Variants in EGFLAM observed in about 807,000 individuals in gnomAD.
The protein encoded by EGFLAM is pikachurin.
Under a neutral mutation model 113.1 loss-of-function variants are expected in EGFLAM, and 79 were observed. That is an observed-to-expected ratio of 0.70 (90% CI 0.58 to 0.84). EGFLAM has a LOEUF of 0.84. EGFLAM is among the 40% of genes least tolerant of loss of function. The pLI is 0.00. For synonymous variants in EGFLAM, 504 were observed against 487.6 expected (o/e 1.03, Z -0.44); for missense variants, 1,265 against 1,291.6 (o/e 0.98, Z 0.32).
chr5:38,331,914 G>C (rs887640068), intron 1 of EGFLAM, among the ~76,000 whole-genome samples: 1 of 152,164 alleles, frequency 6.6e-6, no homozygotes, highest in Non-Finnish European at 1.5e-5. Flanking sequence ...TTGTGTGGAC[G>C]TAAGTTTTTG....
intron 4 of EGFLAM, among the ~76,000 whole-genome samples, chr5:38,351,909 A>G (rs557512041): frequency 1.3e-5 from 2 of 152,332 alleles, no homozygotes; most frequent in Admixed American, 1.3e-4. Flanking sequence ...TGGCTGGGAC[A>G]TAATTAATTG....
At chr5:38,453,903 C>G (rs945862309) in intron 19 of EGFLAM, among the ~76,000 whole-genome samples, 18 of 152,200 alleles carry the variant, frequency 1.2e-4, no homozygotes, top group Admixed American at 1.2e-3. Flanking sequence ...GCCCCCTCCC[C>G]TCTCCCACCT....
Position 38,463,939 on chromosome 5 carries a change from G to GAAAAA in EGFLAM, c.2985_2986insAAAAA (p.Asp996LysfsTer62), listed in dbSNP as rs775614257. The GAAAAA allele has an allele frequency of 6.2e-7, 1 of 1,614,248 alleles. No homozygotes were observed. The highest frequency in any genetic ancestry group is 1.1e-5 in the South Asian group (1 of 91,084). On this transcript the variant is annotated frameshift_variant, in exon 22 of 22. Transcript: ENST00000322350. LOFTEE classifies it high-confidence loss of function. ...CACCGATTACCACATTTCCCTCGTG[G>GAAAAA]AAGATGCCGTGGATGGGAAAAACAT...
chr5:38,397,552 C>G (rs1449309513), intron 6 of EGFLAM, among the ~76,000 whole-genome samples: 2 of 152,148 alleles, frequency 1.3e-5, no homozygotes, highest in African/African-American at 4.8e-5. Context: ...CTCAACTTCC[C>G]AAAGTGCTGG....
intron 13 of EGFLAM, among the ~76,000 whole-genome samples, chr5:38,425,397 C>T (rs1486330705): frequency 2.0e-5 from 3 of 152,250 alleles, no homozygotes; most frequent in South Asian, 4.2e-4. Context: ...AAACTCTTGA[C>T]CTCAAGTGAT....
chr5:38,361,912 T>A (rs1256661824), intron 5 of EGFLAM, among the ~76,000 whole-genome samples: 1 of 152,158 alleles, frequency 6.6e-6, no homozygotes, highest in Admixed American at 6.5e-5. Context: ...TTTTTGATTT[T>A]TTTTTTTTTA....
chr5:38,309,681 C>T (rs143644248), intron 1 of EGFLAM, among the ~76,000 whole-genome samples: 331 of 152,268 alleles, frequency 2.2e-3, no homozygotes, highest in African/African-American at 7.6e-3. Context: ...GTGTTTGTAC[C>T]GTAAAGCATA....
chr5:38,260,801 C>T lies in EGFLAM; in HGVS notation c.97+1950C>T, dbSNP rs11960890. On this transcript the variant is annotated intron_variant, in intron 1 of 21. Transcript: ENST00000322350. ...ATTTCCCTCCTGGGCTCATTTACAT[C>T]CCTTGGAAAGACTAGTTTTTGATCC... Among the ~76,000 whole-genome samples, 406 of 152,268 alleles carry T rather than the reference C, an allele frequency of 2.7e-3. 2 individuals carry two copies. Among genetic ancestry groups the T allele is most frequent in the Non-Finnish European group, 4.9e-3 (334 of 68,018 alleles).
chr5:38,378,373 G>A (rs1740419689), intron 6 of EGFLAM, among the ~76,000 whole-genome samples: 2 of 152,112 alleles, frequency 1.3e-5, no homozygotes, highest in South Asian at 2.1e-4. Context: ...TACAGCATGC[G>A]AGGATCCCGG....
At chr5:38,376,845 A>AT (rs2112050062) in intron 6 of EGFLAM, among the ~76,000 whole-genome samples, 1 of 152,014 alleles carries the variant, frequency 6.6e-6, no homozygotes, top group East Asian at 1.9e-4. Context: ...TAATTTTTGT[A>AT]TTTTTTGTAG....
At chr5:38,398,489 G>T (rs777910008) in intron 6 of EGFLAM, among the ~76,000 whole-genome samples, 8 of 152,110 alleles carry the variant, frequency 5.3e-5, no homozygotes, top group Non-Finnish European at 8.8e-5. Flanking sequence ...TGGGATACAG[G>T]GAAGACATCC....
rs1758430960 is a variant in EGFLAM at position 38,295,455 on chromosome 5, T to C, written c.97+36604T>C. ...ATATGGCTTGTGAATAAAGTTTAGA[T>C]TGAAAAACTGCTGAACAGGGAATGA... On this transcript the variant is annotated intron_variant, in intron 1 of 21. Transcript: ENST00000322350. 1.3e-5 allele frequency among the ~76,000 whole-genome samples: 2 copies of C among 152,214 alleles called. 1 individual carries two copies.
chr5:38,347,531 C>A (rs536663799), intron 3 of EGFLAM, among the ~76,000 whole-genome samples: 1 of 152,072 alleles, frequency 6.6e-6, no homozygotes, highest in Non-Finnish European at 1.5e-5. Context: ...CTCAGCTGAT[C>A]TGAGTCATGA....
chr5:38,412,383 C>A, intron 10 of EGFLAM, 121 bp from the exon 11 acceptor site: 1 of 1,444,430 alleles, frequency 6.9e-7, no homozygotes, highest in Non-Finnish European at 9.5e-7. Context: ...TATTCATAAA[C>A]ATGACTCTGA....
In EGFLAM at chr5:38,418,106, T is replaced by C. The variant is rs1390403963; in HGVS notation, c.1535T>C (p.Leu512Pro). 6.2e-7 allele frequency: 1 copy of C among 1,614,060 alleles called. No homozygotes were observed. Among genetic ancestry groups the C allele is most frequent in the African/African-American group, 1.3e-5 (1 of 74,930 alleles). ...ATTACTTTCCGGACACCTCTCTATCTTGGTGGCGCTCCCAGCGCTTACTGG... is the reference window on the plus strand; with the variant it reads ...ATTACTTTCCGGACACCTCTCTATCCTGGTGGCGCTCCCAGCGCTTACTGG... ...SKITFRTPLYLGGAPSAYWLV... is the reference protein window; with the variant it reads ...SKITFRTPLYPGGAPSAYWLV... The change falls in exon 12 of 22, where the codon CTT becomes CCT. Residue 512 changes from leucine (L) to proline (P), a missense_variant. Transcript: ENST00000322350.
intron 1 of EGFLAM, among the ~76,000 whole-genome samples, chr5:38,261,360 G>C (rs1579696002): frequency 6.6e-6 from 1 of 152,162 alleles, no homozygotes; most frequent in Non-Finnish European, 1.5e-5. Flanking sequence ...AACACTAAGT[G>C]CTTGCTACAC....
At chr5:38,371,744 C>A (rs1461664399) in intron 6 of EGFLAM, among the ~76,000 whole-genome samples, 1 of 152,160 alleles carries the variant, frequency 6.6e-6, no homozygotes, top group Non-Finnish European at 1.5e-5. Context: ...TTAAACTTCC[C>A]AGACACATTC....
At chr5:38,292,673 T>C (rs1039181004) in intron 1 of EGFLAM, among the ~76,000 whole-genome samples, 4 of 152,180 alleles carry the variant, frequency 2.6e-5, no homozygotes, top group Non-Finnish European at 5.9e-5. Context: ...TATGCAAAAG[T>C]ATGTGTTCCT....
At chr5:38,352,410 A>G (rs1732441698) in intron 5 of EGFLAM, 79 bp downstream of exon 5, 5 of 1,566,226 alleles carry the variant, frequency 3.2e-6, no homozygotes, top group Non-Finnish European at 4.4e-6. Flanking sequence ...GCACTTTGGC[A>G]GGCTGAGGCG....
Sources: allele counts gnomAD v4.1 joint callset (sites outside exome capture counted in the v4.1 genomes callset), GRCh38; gene constraint gnomAD v4.1.1; transcripts MANE v1.5; gene names NCBI Gene and HGNC (gene_info 2026-07-23, HGNC 2026-07-21).